The following OASL variants were observed in gnomAD, a reference collection of about 807,000 sequenced individuals.
OASL encodes 2'-5'-oligoadenylate synthetase like, also known as 2'-5'-oligoadenylate synthase-like protein.
Under a neutral mutation model 35.3 loss-of-function variants are expected in OASL, and 28 were observed. The ratio of observed to expected loss-of-function variants is 0.79; its 90% CI spans 0.59 to 1.09. The LOEUF (loss-of-function observed/expected upper bound fraction) is 1.09, where lower values mean the gene tolerates loss of function less well. Among genes scored for constraint, OASL ranks in the 50% least tolerant of loss-of-function variants. The pLI, the probability that OASL is intolerant of heterozygous loss-of-function variation, is 0.00. For missense variants in OASL, 620 were observed against 635.2 expected (o/e 0.98, Z 0.26); for synonymous variants, 252 against 254.6 (o/e 0.99, Z 0.10).
chr12:121,022,524 A>T (rs370494915), intron 5 of OASL, among the ~76,000 whole-genome samples: 6 of 152,190 alleles, frequency 3.9e-5, no homozygotes, highest in East Asian at 3.8e-4. Context: ...CCAGCCTACA[A>T]TGGCTTTTAT....
intron 3 of OASL, among the ~76,000 whole-genome samples, chr12:121,028,471 G>A (rs1185230991): frequency 1.3e-5 from 2 of 152,124 alleles, no homozygotes; most frequent in Non-Finnish European, 2.9e-5. Context: ...GTCCTCCCAT[G>A]TGTGAATATG....
intron 3 of OASL, 131 bp downstream of exon 3, chr12:121,031,311 C>G: frequency 2.5e-6 from 2 of 803,610 alleles, no homozygotes. Context: ...TTTCAAAAGA[C>G]TAGCATTCTC....
rs543361357 is a variant in OASL at position 121,023,664 on chromosome 12, C to T, written c.1047+326G>A. On this transcript the variant is annotated intron_variant, in intron 5 of 5. Coordinates refer to ENST00000257570, the Ensembl canonical transcript of OASL. ...ACATCCCCTACCCCATCCCTGAGAA[C>T]AGCACTGGCACAGAATGGCTGATTG... 1.7e-4 allele frequency: 41 copies of T among 234,888 alleles called. No individual in the cohort carries two copies. In the South Asian group the frequency reaches 2.5e-3, roughly 15 times the overall value. The allele number at this position is 234,888 out of a possible 1,614,324, so 14.6% of individuals were successfully genotyped here. A position where few individuals can be genotyped will look rare whatever the true frequency, so the allele number is the denominator to read the frequency against.
chr12:121,033,734 A>C (rs1350974701), exon 2 of OASL: 1 of 1,612,554 alleles, frequency 6.2e-7, no homozygotes, highest in African/African-American at 1.3e-5. Context: ...CCATTCCCGA[A>C]GGAGCCCACC....
intron 2 of OASL, among the ~76,000 whole-genome samples, chr12:121,033,203 C>T (rs1236580708): frequency 1.3e-5 from 2 of 152,066 alleles, no homozygotes; most frequent in African/African-American, 4.8e-5. Context: ...GGATTACAGG[C>T]GTGAGCCACC....
At chr12:121,038,422 T>C (rs772854907) in intron 1 of OASL, among the ~76,000 whole-genome samples, 21 of 152,334 alleles carry the variant, frequency 1.4e-4, no homozygotes, top group Middle Eastern at 6.8e-3. Flanking sequence ...AGATGGTTCA[T>C]TCACACTAGG....
exon 2 of OASL, chr12:121,033,707 T>G (rs751596317): frequency 3.1e-6 from 5 of 1,613,922 alleles, no homozygotes. Flanking sequence ...ACCTCTCTGG[T>G]GCTCCTGAGA....
At chr12:121,038,680 G>T in intron 1 of OASL, 94 bp downstream of exon 1, 3 of 1,210,446 alleles carry the variant, frequency 2.5e-6, no homozygotes, top group East Asian at 2.4e-5. Context: ...CATGGGCTAG[G>T]GATAAGGAGG....
At chr12:121,029,850 CATT>C (rs1253997663) in intron 3 of OASL, among the ~76,000 whole-genome samples, 1 of 152,030 alleles carries the variant, frequency 6.6e-6, no homozygotes, top group East Asian at 1.9e-4. Context: ...TGAAATGTTA[CATT>C]CTTAAAACTT....
chr12:121,025,215 A>G (rs1451520864), intron 4 of OASL, among the ~76,000 whole-genome samples: 1 of 150,736 alleles, frequency 6.6e-6, no homozygotes, highest in East Asian at 2.0e-4. Flanking sequence ...TGACCTCGTG[A>G]TCCACCTGCC....
At chr12:121,024,939 G>A (rs952406968) in intron 4 of OASL, among the ~76,000 whole-genome samples, 1 of 145,528 alleles carries the variant, frequency 6.9e-6, no homozygotes, top group African/African-American at 2.5e-5. Flanking sequence ...TATTGTTGTG[G>A]TTGTCCCCTT....
intron 5 of OASL, 117 bp downstream of exon 5, chr12:121,023,873 A>C: frequency 7.7e-7 from 1 of 1,292,080 alleles, no homozygotes; most frequent in Non-Finnish European, 1.1e-6. Flanking sequence ...GCTGGCCCTT[A>C]AACGGTGACT....
chr12:121,027,904 G>T, intron 3 of OASL, 87 bp from the exon 4 acceptor site: 1 of 1,164,632 alleles, frequency 8.6e-7, no homozygotes, highest in Non-Finnish European at 1.2e-6. Context: ...AGAAATCCAA[G>T]TTCTAGTCCT....
At chr12:121,025,503 G>T (rs149344214) in intron 4 of OASL, among the ~76,000 whole-genome samples, 108 of 152,168 alleles carry the variant, frequency 7.1e-4, no homozygotes, top group African/African-American at 2.2e-3. Context: ...AGTGGCTCAC[G>T]CCTATAATCC....
At chr12:121,018,006 G>A (rs529717931), downstream of OASL, among the ~76,000 whole-genome samples, 10 of 152,142 alleles carry the variant, frequency 6.6e-5, no homozygotes, top group South Asian at 2.1e-4. Context: ...ATAATACTGC[G>A]GATTTTAGGA....
intron 4 of OASL, among the ~76,000 whole-genome samples, chr12:121,025,956 G>T (rs950854584): frequency 1.3e-5 from 2 of 152,128 alleles, no homozygotes; most frequent in African/African-American, 4.8e-5. Context: ...AAAGTGCCAG[G>T]CTGTCCTATG....
chr12:121,019,712 C>T (rs1361437629), exon 6 of OASL: 1 of 152,184 alleles, frequency 6.6e-6, no homozygotes, highest in Non-Finnish European at 1.5e-5. Flanking sequence ...TTATTCCCAA[C>T]TTGCTATAGC....
At position 121,020,726 on chromosome 12, in the gene OASL, C is replaced by T. The variant is rs1380638991; in HGVS notation, c.1380G>A (p.Lys460=). The T allele has an allele frequency of 5.0e-6, 8 of 1,614,222 alleles. No homozygotes were observed. The East Asian group carries it at 1.6e-4, about 31-fold the overall frequency. Residue 460 remains lysine (K), a synonymous_variant, in exon 6 of 6, where the codon AAG becomes AAA. Transcript: ENST00000257570. ...GCCCCTGCTGGTCTTCAATCTGCTG[C>T]TTCAGACCCAGGATGAAGCTGTTGG...
At chr12:121,029,462 G>A (rs1334527665) in intron 3 of OASL, among the ~76,000 whole-genome samples, 1 of 152,220 alleles carries the variant, frequency 6.6e-6, no homozygotes, top group African/African-American at 2.4e-5. Flanking sequence ...GCCAAGGCAG[G>A]TGGATCACAA....
Sources: allele counts gnomAD v4.1 joint callset (sites outside exome capture counted in the v4.1 genomes callset), GRCh38; gene constraint gnomAD v4.1.1; transcripts MANE v1.5; gene names NCBI Gene and HGNC (gene_info 2026-07-23, HGNC 2026-07-21).